The following GNL2 variants were observed in gnomAD, a reference collection of about 807,000 sequenced individuals.
The protein encoded by GNL2 is G protein nucleolar 2.
GNL2 carries 51 observed loss-of-function variants against 92.3 expected under a neutral mutation model. That is an observed-to-expected ratio of 0.55 (90% CI 0.44 to 0.70). The LOEUF (loss-of-function observed/expected upper bound fraction) is 0.70, where lower values mean the gene tolerates loss of function less well. Ranked by LOEUF, GNL2 falls within the 30% of genes least tolerant of loss-of-function variation. GNL2 has a pLI of 0.00. For synonymous variants in GNL2, 283 were observed against 300.6 expected, an observed-to-expected ratio of 0.94 and a Z score of 0.61; for missense variants, 844 against 895.6, an observed-to-expected ratio of 0.94 and a Z score of 0.74.
At chr1:37,569,369 A>C (rs765039325) in intron 12 of GNL2, 67 bp from the exon 13 acceptor site, 2 of 1,093,568 alleles carry the variant, frequency 1.8e-6, no homozygotes, top group Non-Finnish European at 2.6e-6. Flanking sequence ...TTCTGAACTC[A>C]TATCTTGCTC....
At chr1:37,590,591 T>C (rs1047651380) in intron 4 of GNL2, 115 bp downstream of exon 4, 5 of 827,012 alleles carry the variant, frequency 6.0e-6, no homozygotes, top group Non-Finnish European at 8.0e-6. Context: ...AAGTTCATCA[T>C]TGCTACATTA....
Position 37,569,233 on chromosome 1 carries a change from C to G in GNL2, c.1486G>C (p.Glu496Gln), listed in dbSNP as rs1643557791. ...AQNNPGEEVT[E>Q]TAGEGSESII... ...GATTCTGACCCTTCACCTGCAGTTT[C>G]TGTGACTTCCTCCCCTGGATTGTTC... Residue 496 changes from glutamate to glutamine, a missense_variant, in exon 13 of 16, where the codon GAA becomes CAA. Transcript: ENST00000373062. 1 of 1,613,826 alleles carries G rather than the reference C, an allele frequency of 6.2e-7. No individual in the cohort carries two copies. Among genetic ancestry groups the G allele is most frequent in the Non-Finnish European group, 8.5e-7 (1 of 1,179,962 alleles).
intron 3 of GNL2, 151 bp from the exon 4 acceptor site, chr1:37,590,996 G>GA: frequency 3.0e-6 from 2 of 656,920 alleles, no homozygotes; most frequent in Non-Finnish European, 5.0e-6. Flanking sequence ...CTTAAAAGAG[G>GA]AAAAAACCAA....
chr1:37,582,268 C>T lies in GNL2; in HGVS notation c.864G>A (p.Pro288=), dbSNP rs772092924. ...TLAFHASLTN[P]FGKGAFIQLL... ...GCTGAATGAATGCTCCCTTGCCAAA[C>T]GGGTTAGTAAGGCTTGCATGGAAAG... The change falls in exon 8 of 16, where the codon CCG becomes CCA. Residue 288 remains proline (P), a synonymous_variant. Transcript: ENST00000373062. 3.8e-5 allele frequency: 62 copies of T among 1,612,626 alleles called. No individual in the cohort carries two copies. Among genetic ancestry groups the T allele is most frequent in the South Asian group, 3.6e-4 (33 of 90,836 alleles).
intron 11 of GNL2, 44 bp downstream of exon 11, chr1:37,574,621 C>T: frequency 6.3e-7 from 1 of 1,585,684 alleles, no homozygotes; most frequent in South Asian, 1.1e-5. Flanking sequence ...TACATACATG[C>T]TTGTGACAAG....
intron 5 of GNL2, among the ~76,000 whole-genome samples, chr1:37,584,728 T>C (rs1297488789): frequency 6.6e-6 from 1 of 152,062 alleles, no homozygotes; most frequent in African/African-American, 2.4e-5. Context: ...TGGAGATGGA[T>C]AGCTGCAATG....
At chr1:37,586,412 T>C (rs1643850985) in intron 5 of GNL2, among the ~76,000 whole-genome samples, 1 of 152,092 alleles carries the variant, frequency 6.6e-6, no homozygotes, top group South Asian at 2.1e-4. Context: ...AGCCAGCCGG[T>C]GACTGATTCT....
rs760413967 is a variant in GNL2, at chr1:37,585,606, T to C, written c.570-1673A>G. On this transcript the variant is annotated intron_variant, in intron 5 of 15. Coordinates refer to ENST00000373062, the MANE Select transcript of GNL2 (RefSeq NM_013285.3). ...GTTTTGTCTTTACTGCATTACCTACTATACCTGTTGCGGAAGGAAAAATTC... is the reference window on the plus strand; with the variant it reads ...GTTTTGTCTTTACTGCATTACCTACCATACCTGTTGCGGAAGGAAAAATTC... 1.1e-4 allele frequency among the ~76,000 whole-genome samples: 16 copies of C among 152,334 alleles called. No homozygotes were observed. In the South Asian group the frequency reaches 1.7e-3, roughly 16 times the overall value.
At chr1:37,577,098 C>G (rs1345155566) in intron 8 of GNL2, among the ~76,000 whole-genome samples, 1 of 149,694 alleles carries the variant, frequency 6.7e-6, no homozygotes, top group Non-Finnish European at 1.5e-5. Flanking sequence ...GTGACAGAGA[C>G]TCCAGTCTCA....
rs902879043 is a variant in GNL2 at position 37,595,925 on chromosome 1, G to A, written c.-103C>T. 1.1e-5 allele frequency: 10 copies of A among 913,202 alleles called. 1 individual carries two copies. In the Middle Eastern group the frequency reaches 1.7e-3, roughly 156 times the overall value. 56.6% of individuals were successfully genotyped at this position (913,202 alleles called of 1,614,324 possible). Reference sequence around the variant, plus strand: ...CGAAGACACCCGCCTGAACCACGCCGGACCACGTGTGCACGACGTACGTCA... The same window carrying A: ...CGAAGACACCCGCCTGAACCACGCCAGACCACGTGTGCACGACGTACGTCA... On this transcript the variant is annotated 5_prime_UTR_variant, in exon 1 of 16. Transcript: ENST00000373062.
At chr1:37,584,228 T>A (rs1442015674) in intron 5 of GNL2, among the ~76,000 whole-genome samples, 1 of 152,004 alleles carries the variant, frequency 6.6e-6, no homozygotes, top group African/African-American at 2.4e-5. Flanking sequence ...GAGGGCAGAC[T>A]GCTTGAGCCC....
At chr1:37,587,273 A>G in intron 5 of GNL2, 38 bp downstream of exon 5, 1 of 1,502,728 alleles carries the variant, frequency 6.7e-7, no homozygotes, top group Non-Finnish European at 9.0e-7. Context: ...TCTCAAAAAA[A>G]AAAAAACAAA....
chr1:37,571,050 A>G (rs1643586893), intron 12 of GNL2, among the ~76,000 whole-genome samples: 1 of 152,108 alleles, frequency 6.6e-6, no homozygotes. Flanking sequence ...TTATACATAC[A>G]TTTTTCTAGG....
At position 37,592,412 on chromosome 1, in the gene GNL2, T is replaced by C. The variant is rs573473361; in HGVS notation, c.244+300A>G. On this transcript the variant is annotated intron_variant, in intron 3 of 15. Coordinates refer to ENST00000373062, the MANE Select transcript of GNL2 (RefSeq NM_013285.3). ...GGCCACCTCTCCAACAGTATCTCTT[T>C]AGGAAAGCAGAAAAGATTAAGATGA... is the stretch of plus-strand genomic sequence containing the variant. Among the ~76,000 whole-genome samples, 5 of 152,294 alleles carry C rather than the reference T, an allele frequency of 3.3e-5. No homozygotes were observed. The East Asian group carries it at 9.6e-4, about 29-fold the overall frequency.
At position 37,575,750 on chromosome 1, in the gene GNL2, A is replaced by G. The variant is rs1643668393; in HGVS notation, c.1039-51T>C. On this transcript the variant is annotated intron_variant, in intron 9 of 15. Transcript: ENST00000373062. This position sits in a 1 kb window ranked among gnomAD's most constrained non-coding sequence, Gnocchi z 4.1. ...GTCCTGTATCAAACACTAAGAGTCTAATTTCACAAACCCCTGATGCTCATG... is the reference window on the plus strand; with the variant it reads ...GTCCTGTATCAAACACTAAGAGTCTGATTTCACAAACCCCTGATGCTCATG... 8.7e-7 allele frequency: 1 copy of G among 1,148,380 alleles called. No individual in the cohort carries two copies. Among genetic ancestry groups the G allele is most frequent in the South Asian group, 1.4e-5 (1 of 73,004 alleles). 71.1% of individuals were successfully genotyped at this position (1,148,380 alleles called of 1,614,324 possible).
intron 12 of GNL2, among the ~76,000 whole-genome samples, chr1:37,571,922 A>T (rs1643600084): frequency 6.6e-6 from 1 of 151,882 alleles, no homozygotes; most frequent in Admixed American, 6.6e-5. Context: ...ATGGCTTCCC[A>T]CCATGACACC....
intron 4 of GNL2, among the ~76,000 whole-genome samples, chr1:37,587,961 T>G (rs1557644324): frequency 6.6e-6 from 1 of 152,214 alleles, no homozygotes. Flanking sequence ...TTAAACCAAC[T>G]GTAAATGCCA....
At chr1:37,571,769 C>G (rs1173900906) in intron 12 of GNL2, among the ~76,000 whole-genome samples, 6 of 152,154 alleles carry the variant, frequency 3.9e-5, no homozygotes, top group Non-Finnish European at 8.8e-5. Flanking sequence ...TAAGAATTAT[C>G]TGAACTACTT....
intron 12 of GNL2, among the ~76,000 whole-genome samples, chr1:37,572,945 T>C (rs924708107): frequency 2.6e-5 from 4 of 152,060 alleles, no homozygotes; most frequent in Admixed American, 6.6e-5. Context: ...GGAAAAAAAT[T>C]ATGTATTTGG....
Sources: gnomAD v4.1 joint callset for allele counts (sites outside exome capture counted in the v4.1 genomes callset) on GRCh38, gnomAD v4.1.1 for gene constraint, Gnocchi (gnomAD v3.1) non-coding constraint, MANE v1.5 for transcripts, NCBI Gene and HGNC (gene_info 2026-07-23, HGNC 2026-07-21) for gene names.